Variants in HYCC1 observed in about 807,000 individuals in gnomAD.
HYCC1 encodes hyccin.
At chr7:22,915,144 AT>A in the HYCC1 span, among the ~76,000 whole-genome samples, 1 of 152,140 alleles carries the variant, frequency 6.6e-6, no homozygotes, top group Non-Finnish European at 1.5e-5. Flanking sequence ...CTCAATATAC[AT>A]TTTATTACCC....
At chr7:22,898,918 A>C in the HYCC1 span, among the ~76,000 whole-genome samples, 2 of 152,158 alleles carry the variant, frequency 1.3e-5, no homozygotes, top group Non-Finnish European at 2.9e-5. Context: ...ATATTTCTCA[A>C]TCCCTTCCAA....
chr7:22,941,746 CAATATT>C, the HYCC1 span: 1 of 152,022 alleles, frequency 6.6e-6, no homozygotes, highest in East Asian at 1.9e-4. Flanking sequence ...AAGAATTTAA[CAATATT>C]AAACATAAAT....
At chr7:22,900,719 G>C in the HYCC1 span, among the ~76,000 whole-genome samples, 32 of 151,806 alleles carry the variant, frequency 2.1e-4, no homozygotes, top group Non-Finnish European at 3.5e-4. Flanking sequence ...AAAATGAAGG[G>C]TACAGATGAT....
At chr7:22,922,776 C>A in the HYCC1 span, among the ~76,000 whole-genome samples, 3 of 152,104 alleles carry the variant, frequency 2.0e-5, no homozygotes, top group Non-Finnish European at 4.4e-5. Flanking sequence ...ATACTAATAT[C>A]AGACAAAATA....
At chr7:22,918,443 C>T in the HYCC1 span, among the ~76,000 whole-genome samples, 627 of 152,246 alleles carry the variant, frequency 4.1e-3, 2 homozygotes, top group African/African-American at 0.013. Flanking sequence ...AGAAGCAGCC[C>T]TGGGAAACAT....
At chr7:22,925,034 T>C in the HYCC1 span, among the ~76,000 whole-genome samples, 1 of 152,184 alleles carries the variant, frequency 6.6e-6, no homozygotes, top group Non-Finnish European at 1.5e-5. Context: ...CAATACCAGC[T>C]GTTCTGCAGC....
At chr7:22,947,101 C>A in the HYCC1 span, 2 of 1,550,532 alleles carry the variant, frequency 1.3e-6, no homozygotes, top group South Asian at 1.2e-5. Context: ...GTTTCCTGCA[C>A]ACCCTGTATA....
At chr7:22,949,380 T>G in the HYCC1 span, among the ~76,000 whole-genome samples, 1 of 152,208 alleles carries the variant, frequency 6.6e-6, no homozygotes, top group South Asian at 2.1e-4. Context: ...TCTTCTAACA[T>G]ACTATAAATA....
At chr7:22,951,220 T>G in the HYCC1 span, among the ~76,000 whole-genome samples, 1 of 151,970 alleles carries the variant, frequency 6.6e-6, no homozygotes, top group African/African-American at 2.4e-5. Flanking sequence ...ATATCTATTT[T>G]ATTATGTCAC....
chr7:23,000,112 T>C, the HYCC1 span, among the ~76,000 whole-genome samples: 1 of 152,142 alleles, frequency 6.6e-6, no homozygotes, highest in Non-Finnish European at 1.5e-5. Flanking sequence ...GGGAGATTTT[T>C]TTAAATGGCC....
the HYCC1 span, among the ~76,000 whole-genome samples, chr7:23,002,056 A>G: frequency 6.6e-6 from 1 of 150,444 alleles, no homozygotes; most frequent in Non-Finnish European, 1.5e-5. Context: ...ATCTCAAAGC[A>G]CTATAAAAAT....
At chr7:22,957,114 G>T in the HYCC1 span, among the ~76,000 whole-genome samples, 1 of 151,822 alleles carries the variant, frequency 6.6e-6, no homozygotes, top group Non-Finnish European at 1.5e-5. Flanking sequence ...TACAATGTGA[G>T]ATTGGGCTGT....
chr7:23,006,787 C>CCAAA, the HYCC1 span, among the ~76,000 whole-genome samples: 3 of 152,146 alleles, frequency 2.0e-5, no homozygotes, highest in Non-Finnish European at 4.4e-5. Context: ...TGAAAAGACT[C>CCAAA]TTTGTTCAAG....
the HYCC1 span, among the ~76,000 whole-genome samples, chr7:23,012,624 G>A: frequency 6.6e-6 from 1 of 152,024 alleles, no homozygotes; most frequent in South Asian, 2.1e-4. Context: ...CCTTGTCTTT[G>A]CCTGCACTTC....
At chr7:22,999,356 C>T in the HYCC1 span, among the ~76,000 whole-genome samples, 2 of 152,128 alleles carry the variant, frequency 1.3e-5, no homozygotes, top group South Asian at 2.1e-4. Flanking sequence ...CAAGTATTAC[C>T]TCAGTGAATC....
the HYCC1 span, among the ~76,000 whole-genome samples, chr7:23,006,687 A>T: frequency 0.051 from 7,744 of 152,310 alleles, 227 homozygotes; most frequent in Non-Finnish European, 0.055. Flanking sequence ...GTACAGTTTA[A>T]TAACTCATAT....
At chr7:22,991,211 T>A in the HYCC1 span, 1 of 986,178 alleles carries the variant, frequency 1.0e-6, no homozygotes, top group Non-Finnish European at 1.6e-6. Context: ...TGAACAGAGA[T>A]AATCCTATAA....
the HYCC1 span, among the ~76,000 whole-genome samples, chr7:22,908,290 T>C: frequency 3.3e-5 from 5 of 152,328 alleles, no homozygotes; most frequent in South Asian, 2.1e-4. Flanking sequence ...CTGGTACCCA[T>C]AGATTCCTTT....
At chr7:22,898,599 CTTTTCTT>C in the HYCC1 span, among the ~76,000 whole-genome samples, 18 of 93,324 alleles carry the variant, frequency 1.9e-4, no homozygotes, top group Non-Finnish European at 2.8e-4. Context: ...CTTTTCTTTT[CTTTTCTT>C]TTTTTTTTTT....
Sources: gnomAD v4.1 joint callset for allele counts (sites outside exome capture counted in the v4.1 genomes callset) on GRCh38, gnomAD v4.1.1 for gene constraint, MANE v1.5 for transcripts, NCBI Gene and HGNC (gene_info 2026-07-23, HGNC 2026-07-21) for gene names.